ST6GAL2: variants seen among roughly 807,000 people sequenced by gnomAD.
ST6GAL2 encodes ST6 beta-galactoside alpha-2,6-sialyltransferase 2, also known as beta-galactoside alpha-2,6-sialyltransferase 2.
In ST6GAL2, 24 loss-of-function variants were observed where a neutral mutation model predicts 37.5. The ratio of observed to expected loss-of-function variants is 0.64; its 90% CI spans 0.46 to 0.90. The LOEUF is 0.90. ST6GAL2 is among the 40% of genes least tolerant of loss of function. The pLI is 0.00. For synonymous variants in ST6GAL2, 306 were observed against 295.1 expected (o/e 1.04, Z -0.38); for missense variants, 715 against 712.7 (o/e 1.00, Z -0.04).
At position 106,801,727 on chromosome 2, in the gene ST6GAL2, C is replaced by A. The variant is rs1255522134; in HGVS notation, c.*4951G>T. On this transcript the variant is annotated 3_prime_UTR_variant, in exon 6 of 6. Coordinates refer to ENST00000409382, the MANE Select transcript of ST6GAL2 (RefSeq NM_001142351.2). Reference sequence around the variant, plus strand: ...AATGTGTACAAACACTTTTAAAATGCGACTCCTGGAAAACTTCAAGCTTTA... The same window carrying A: ...AATGTGTACAAACACTTTTAAAATGAGACTCCTGGAAAACTTCAAGCTTTA... The A allele has an allele frequency of 6.6e-6, 1 of 152,110 alleles. No homozygotes were observed. The highest frequency in any genetic ancestry group is 2.1e-4 in the South Asian group (1 of 4,832). The allele number at this position is 152,110 out of a possible 1,614,324, so 9.4% of individuals were successfully genotyped here.
chr2:106,879,777 T>C (rs1415128219), intron 1 of ST6GAL2, among the ~76,000 whole-genome samples: 1 of 147,706 alleles, frequency 6.8e-6, no homozygotes, highest in East Asian at 1.9e-4. Context: ...CTATATACTA[T>C]TATACGTATA....
intron 1 of ST6GAL2, among the ~76,000 whole-genome samples, chr2:106,880,021 A>G (rs1678683751): frequency 6.7e-6 from 1 of 149,396 alleles, no homozygotes; most frequent in East Asian, 2.0e-4. Context: ...CCAATTATAT[A>G]CATACCTAAT....
At chr2:106,861,454 T>C (rs549839742) in intron 1 of ST6GAL2, among the ~76,000 whole-genome samples, 1 of 152,292 alleles carries the variant, frequency 6.6e-6, no homozygotes, top group South Asian at 2.1e-4. Flanking sequence ...ATTTATTATA[T>C]ATCCAGGCAC....
In ST6GAL2 at chr2:106,802,989, C is replaced by T. The variant is rs1675307207; in HGVS notation, c.*3689G>A. On this transcript the variant is annotated 3_prime_UTR_variant, in exon 6 of 6. Coordinates refer to ENST00000409382, the MANE Select transcript of ST6GAL2 (RefSeq NM_001142351.2). ...TACTGGCACTCATCTAAGACTGATCCCACTTAAAGCACCCAAACGGGACCT... is the reference window on the plus strand; with the variant it reads ...TACTGGCACTCATCTAAGACTGATCTCACTTAAAGCACCCAAACGGGACCT... 1 of 152,068 alleles carries T rather than the reference C, an allele frequency of 6.6e-6. No individual in the cohort carries two copies. The highest frequency in any genetic ancestry group is 2.1e-4 in the South Asian group (1 of 4,780). The allele number at this position is 152,068 out of a possible 1,614,324, so 9.4% of individuals were successfully genotyped here. A position where few individuals can be genotyped will look rare whatever the true frequency, so the allele number is the denominator to read the frequency against.
Position 106,843,918 on chromosome 2 carries a change from C to G in ST6GAL2, c.60G>C (p.Gly20=), listed in dbSNP as rs750631176. ...AGATGAAAATCAGCAAAAAGAGGAGCCCCCAAGCGAATATTCCGAAAAGCA... is the reference window on the plus strand; with the variant it reads ...AGATGAAAATCAGCAAAAAGAGGAGGCCCCAAGCGAATATTCCGAAAAGCA... The part of the protein sequence containing the change: ...QRMLFGIFAW[G]LLFLLIFIYF... The change falls in exon 2 of 6, where the codon GGG becomes GGC. Residue 20 remains glycine, a synonymous_variant. Transcript: ENST00000409382. 6 of 1,600,220 alleles carry G rather than the reference C, an allele frequency of 3.7e-6. No individual in the cohort carries two copies. The highest frequency in any genetic ancestry group is 4.2e-6 in the Non-Finnish European group (5 of 1,178,564).
At chr2:106,859,413 C>T (rs1008599144) in intron 1 of ST6GAL2, among the ~76,000 whole-genome samples, 2 of 152,128 alleles carry the variant, frequency 1.3e-5, no homozygotes, top group Non-Finnish European at 2.9e-5. Flanking sequence ...ACTGCAGATC[C>T]ACATAATCAA....
At chr2:106,861,679 G>C (rs1334037352) in intron 1 of ST6GAL2, among the ~76,000 whole-genome samples, 1 of 151,472 alleles carries the variant, frequency 6.6e-6, no homozygotes, top group East Asian at 1.9e-4. Flanking sequence ...ACCCAGGCTG[G>C]AGTGCAGTGG....
intron 2 of ST6GAL2, among the ~76,000 whole-genome samples, chr2:106,836,326 T>C (rs1676635482): frequency 1.3e-5 from 2 of 152,168 alleles, no homozygotes; most frequent in African/African-American, 2.4e-5. Flanking sequence ...GAGAGAGCTA[T>C]TTAAAGAATC....
chr2:106,836,512 A>G (rs1676644274), intron 2 of ST6GAL2, among the ~76,000 whole-genome samples: 1 of 152,070 alleles, frequency 6.6e-6, no homozygotes, highest in East Asian at 1.9e-4. Context: ...CTCACGCATA[A>G]TTGTATAATA....
chr2:106,867,199 C>T (rs778150171), intron 1 of ST6GAL2, among the ~76,000 whole-genome samples: 1 of 152,116 alleles, frequency 6.6e-6, no homozygotes, highest in Non-Finnish European at 1.5e-5. Flanking sequence ...ACAGCCAGCC[C>T]TGGCTGTCAC....
intron 1 of ST6GAL2, among the ~76,000 whole-genome samples, chr2:106,871,687 A>T (rs1292662285): frequency 2.0e-5 from 3 of 152,164 alleles, no homozygotes; most frequent in Non-Finnish European, 4.4e-5. Flanking sequence ...ACACAGGGTC[A>T]TGGTCATCAA....
At chr2:106,834,504 G>C in intron 2 of ST6GAL2, 1 of 169,780 alleles carries the variant, frequency 5.9e-6, no homozygotes, top group Admixed American at 6.1e-5. Context: ...TACTGGAGCA[G>C]ATAAAGACAC....
At chr2:106,869,981 C>T (rs1454224833) in intron 1 of ST6GAL2, among the ~76,000 whole-genome samples, 1 of 152,206 alleles carries the variant, frequency 6.6e-6, no homozygotes, top group African/African-American at 2.4e-5. Context: ...TGCCACTTTC[C>T]ACTTCAGTGG....
rs773096997 is a variant in ST6GAL2 at position 106,834,128 on chromosome 2, A to C, written c.962T>G (p.Leu321Trp). The change falls in exon 3 of 6, where the codon TTG (leucine) becomes TGG (tryptophan). Residue 321 changes from leucine (L) to tryptophan (W), a missense_variant. By Grantham distance (61) the Leu-to-Trp change is moderately conservative. Around this residue, in one of 3 missense-constraint regions of ST6GAL2, gnomAD observed 512 missense variants for 488.8 expected, o/e 1.05. Coordinates refer to ENST00000409382, the MANE Select transcript of ST6GAL2 (RefSeq NM_001142351.2). ...GEEIDSHDAV[L>W]RFNSAPTRGY... The stretch of plus-strand genomic sequence containing the variant: ...ACGTGTAGGAGCAGAGTTAAATCTC[A>C]AAACCGCATCATGAGAATCTAAGGG... 1.2e-6 allele frequency: 2 copies of C among 1,613,574 alleles called. No individual in the cohort carries two copies. The highest frequency in any genetic ancestry group is 2.2e-5 in the East Asian group (1 of 44,794).
intron 1 of ST6GAL2, among the ~76,000 whole-genome samples, chr2:106,855,643 A>T (rs2104563339): frequency 6.6e-6 from 1 of 152,336 alleles, no homozygotes; most frequent in Admixed American, 6.5e-5. Context: ...TATGTGTTAC[A>T]TCTAGGTACA....
chr2:106,833,563 T>C (rs1676509782), intron 3 of ST6GAL2, among the ~76,000 whole-genome samples: 2 of 152,246 alleles, frequency 1.3e-5, no homozygotes, highest in African/African-American at 2.4e-5. Context: ...CAAGGCATTC[T>C]CATTAAGAAC....
chr2:106,882,301 A>G (rs1300190370), intron 1 of ST6GAL2, among the ~76,000 whole-genome samples: 1 of 152,166 alleles, frequency 6.6e-6, no homozygotes, highest in Admixed American at 6.5e-5. Context: ...AGGGGATCTC[A>G]GTCTAATAGC....
chr2:106,885,513 C>T (rs79896643), intron 1 of ST6GAL2, among the ~76,000 whole-genome samples: 120 of 152,216 alleles, frequency 7.9e-4, no homozygotes, highest in Middle Eastern at 3.4e-3. Context: ...GCAGCACTTG[C>T]GGGAGCCATT....
In ST6GAL2 at chr2:106,807,018, A is replaced by G. The variant is rs1675440244; in HGVS notation, c.1319-69T>C. 1.4e-5 allele frequency: 19 copies of G among 1,391,594 alleles called. No homozygotes were observed. In the South Asian group the frequency reaches 2.4e-4, roughly 18 times the overall value. The allele number at this position is 1,391,594 out of a possible 1,614,324, so 86.2% of individuals were successfully genotyped here. On this transcript the variant is annotated intron_variant, in intron 5 of 5. Coordinates refer to ENST00000409382, the MANE Select transcript of ST6GAL2 (RefSeq NM_001142351.2). ...GTGAGAGGGATGAGTTTTTTGGGGG[A>G]GGGGTGGTGGTGATGGGATATGACT... is the stretch of plus-strand genomic sequence containing the variant.
Sources: gnomAD v4.1 joint callset for allele counts (sites outside exome capture counted in the v4.1 genomes callset) on GRCh38, gnomAD v4.1.1 for gene constraint, gnomAD v4.1.1 regional missense constraint, MANE v1.5 for transcripts, NCBI Gene and HGNC (gene_info 2026-07-23, HGNC 2026-07-21) for gene names.